The following PIGG variants were observed in gnomAD, a reference collection of about 807,000 sequenced individuals.
PIGG encodes GPI ethanolamine phosphate transferase 2, catalytic subunit.
Under a neutral mutation model 83.2 loss-of-function variants are expected in PIGG, and 70 were observed. The ratio of observed to expected loss-of-function variants is 0.84; its 90% CI spans 0.69 to 1.03. PIGG has a LOEUF of 1.03. Among genes scored for constraint, PIGG ranks in the 50% least tolerant of loss-of-function variants. The pLI, the probability that PIGG is intolerant of heterozygous loss-of-function variation, is 0.00. For synonymous variants in PIGG, 532 were observed against 519.5 expected (o/e 1.02, Z -0.33); for missense variants, 1,257 against 1,233.6 (o/e 1.02, Z -0.28).
intron 10 of PIGG, 196 bp downstream of exon 10, chr4:527,426 A>G (rs1303209572): frequency 7.5e-7 from 1 of 1,331,066 alleles, no homozygotes; most frequent in East Asian, 3.0e-5. Flanking sequence ...AACCTCAACC[A>G]GCTGCGTTGT....
At chr4:530,985 G>C (rs1728918639) in intron 11 of PIGG, 1 of 511,516 alleles carries the variant, frequency 2.0e-6, no homozygotes, top group East Asian at 3.2e-5. Flanking sequence ...GGCCAGGCCT[G>C]GGTTTATTTA....
intron 12 of PIGG, among the ~76,000 whole-genome samples, chr4:538,306 T>C (rs549192944): frequency 2.1e-5 from 3 of 145,530 alleles, no homozygotes; most frequent in African/African-American, 8.1e-5. Flanking sequence ...TGTAGTGTGT[T>C]GGTGGTTTCA....
chr4:532,053 G>A lies in PIGG; in HGVS notation c.2571+1308G>A, dbSNP rs73794937. 670 of 152,366 alleles carry A rather than the reference G, an allele frequency of 4.4e-3. 8 individuals are homozygous for A. Among genetic ancestry groups the A allele is most frequent in the African/African-American group, 0.016 (647 of 41,494 alleles). 9.4% of individuals were successfully genotyped at this position (152,366 alleles called of 1,614,324 possible). A position where few individuals can be genotyped will look rare whatever the true frequency, so the allele number is the denominator to read the frequency against. Reference sequence around the variant, plus strand: ...TGCCCCTCAGTGTTAGATCTCCTCTGAGAGGAACCTGTGGCTTTGCTGCCC... The same window carrying A: ...TGCCCCTCAGTGTTAGATCTCCTCTAAGAGGAACCTGTGGCTTTGCTGCCC... On this transcript the variant is annotated intron_variant, in intron 11 of 12. Coordinates refer to ENST00000453061, the MANE Select transcript of PIGG (RefSeq NM_001127178.3).
At chr4:516,215 C>T (rs755701372) in intron 6 of PIGG, 30 bp downstream of exon 6, 7 of 1,486,634 alleles carry the variant, frequency 4.7e-6, no homozygotes, top group Non-Finnish European at 6.6e-6. Context: ...CGAGCTCTGT[C>T]AGAGCTGTGT....
intron 1 of PIGG, among the ~76,000 whole-genome samples, 177 bp from the exon 2 acceptor site, chr4:500,219 C>T (rs1553874815): frequency 2.0e-5 from 3 of 152,182 alleles, no homozygotes; most frequent in African/African-American, 4.8e-5. Flanking sequence ...CTCCTGTTAA[C>T]CCCCGTCCTT....
At position 528,268 on chromosome 4, in the gene PIGG, A is replaced by C; in HGVS notation, c.2261+1038A>C. The C allele has an allele frequency of 1.0e-6, 1 of 983,886 alleles. No individual in the cohort carries two copies. The highest frequency in any genetic ancestry group is 6.1e-5 in the Admixed American group (1 of 16,284). 60.9% of individuals were successfully genotyped at this position (983,886 alleles called of 1,614,324 possible). ...CTTATATGAAAGACTACATACTTAA[A>C]ATACTGGTGATTATATTTAGGACCT... On this transcript the variant is annotated intron_variant, in intron 10 of 12. Transcript: ENST00000453061. This position sits in a 1 kb window ranked among gnomAD's most constrained non-coding sequence, Gnocchi z 4.8.
At chr4:507,680 G>A (rs1720240823) in intron 4 of PIGG, 87 bp downstream of exon 4, 3 of 1,191,184 alleles carry the variant, frequency 2.5e-6, no homozygotes, top group Admixed American at 4.8e-5. Flanking sequence ...GTTATTCAGG[G>A]TGCCTGTGTG....
chr4:501,596 G>A, intron 2 of PIGG: 1 of 156,842 alleles, frequency 6.4e-6, no homozygotes, highest in South Asian at 1.9e-4. Flanking sequence ...CTTGGGGGCA[G>A]CCCCATTTGC....
In PIGG at chr4:523,501, C is replaced by T. The variant is rs749815897; in HGVS notation, c.1657C>T (p.Leu553Phe). Reference protein sequence around the residue: ...PSSRWSELDLLILLGTAGHVL... With the variant: ...PSSRWSELDLFILLGTAGHVL... Reference sequence around the variant, plus strand: ...CTCAAGGTGGTCAGAGCTAGACCTTCTTATTCTGTTGGGGACGGCGGGCCA... The same window carrying T: ...CTCAAGGTGGTCAGAGCTAGACCTTTTTATTCTGTTGGGGACGGCGGGCCA... Residue 553 changes from leucine to phenylalanine, a missense_variant, in exon 9 of 13, where the codon CTT becomes TTT. By Grantham distance (22) the Leu-to-Phe change is conservative. Transcript: ENST00000453061. 3 of 1,614,000 alleles carry T rather than the reference C, an allele frequency of 1.9e-6. No homozygotes were observed. The highest frequency in any genetic ancestry group is 2.7e-5 in the African/African-American group (2 of 74,940).
chr4:523,549 A>G lies in PIGG; in HGVS notation c.1705A>G (p.Ser569Gly). Residue 569 changes from serine (S) to glycine (G), a missense_variant, in exon 9 of 13, where the codon AGC becomes GGC. By Grantham distance (56) the Ser-to-Gly change is moderately conservative. Coordinates refer to ENST00000453061, the MANE Select transcript of PIGG (RefSeq NM_001127178.3). The stretch of plus-strand genomic sequence containing the variant: ...CCACGTCTTGAGCCTGGGCGCCAGC[A>G]GCTTCGTGGAGGAGGAGCACCAGAC... ...AGHVLSLGAS[S>G]FVEEEHQTWY... The G allele has an allele frequency of 1.2e-6, 2 of 1,614,190 alleles. No homozygotes were observed. Among genetic ancestry groups the G allele is most frequent in the Non-Finnish European group, 1.7e-6 (2 of 1,180,020 alleles).
At chr4:509,657 C>G (rs1721215919) in intron 5 of PIGG, among the ~76,000 whole-genome samples, 1 of 152,260 alleles carries the variant, frequency 6.6e-6, no homozygotes, top group Admixed American at 6.5e-5. Flanking sequence ...GCTGCTGGTC[C>G]CGTAGCTTCT....
At chr4:526,618 G>A (rs1727690203) in intron 9 of PIGG, among the ~76,000 whole-genome samples, 1 of 152,210 alleles carries the variant, frequency 6.6e-6, no homozygotes, top group Non-Finnish European at 1.5e-5. Context: ...CAGGGAACAA[G>A]AGGACGGTTT....
Position 505,403 on chromosome 4 carries a change from T to C in PIGG, c.361-315T>C, listed in dbSNP as rs187678906. On this transcript the variant is annotated intron_variant, in intron 2 of 12. Coordinates refer to ENST00000453061, the MANE Select transcript of PIGG (RefSeq NM_001127178.3). ...GCCCTAGCTTTATGCTCACCTATTT[T>C]ATCCATAAAAAATCTTCAGACCAGC... Among the ~76,000 whole-genome samples the C allele has an allele frequency of 2.2e-3, 328 of 146,892 alleles. 1 individual carries two copies. Among genetic ancestry groups the C allele is most frequent in the African/African-American group, 7.9e-3 (310 of 39,450 alleles).
intron 2 of PIGG, among the ~76,000 whole-genome samples, chr4:505,269 A>G (rs1719200664): frequency 6.6e-6 from 1 of 151,880 alleles, no homozygotes; most frequent in Non-Finnish European, 1.5e-5. Flanking sequence ...TAATATGGTT[A>G]TCTTTGTTAC....
chr4:512,683 TGG>T (rs1396344181), intron 5 of PIGG, among the ~76,000 whole-genome samples: 1 of 151,470 alleles, frequency 6.6e-6, no homozygotes, highest in Non-Finnish European at 1.5e-5. Flanking sequence ...GATGTGGTGG[TGG>T]GCGCCTGTAA....
chr4:528,205 C>T lies in PIGG; in HGVS notation c.2261+975C>T, dbSNP rs887112808. On this transcript the variant is annotated intron_variant, in intron 10 of 12. Transcript: ENST00000453061. The surrounding 1 kb of genome is among the most constrained non-coding windows in gnomAD (Gnocchi z 4.8). ...AAGCATGTTGTGGAACAGGTATGAC[C>T]CCAGCTTACTAATTGTGTACCTGTT... 3 of 985,032 alleles carry T rather than the reference C, an allele frequency of 3.0e-6. No individual in the cohort carries two copies. Among genetic ancestry groups the T allele is most frequent in the Non-Finnish European group, 3.6e-6 (3 of 829,724 alleles). 61.0% of individuals were successfully genotyped at this position (985,032 alleles called of 1,614,324 possible).
In PIGG at chr4:523,863, G is replaced by A. The variant is rs1205397074; in HGVS notation, c.2019G>A (p.Gln673=). 3.2e-6 allele frequency: 5 copies of A among 1,582,250 alleles called. No homozygotes were observed. Among genetic ancestry groups the A allele is most frequent in the Non-Finnish European group, 4.3e-6 (5 of 1,164,178 alleles). The stretch of plus-strand genomic sequence containing the variant: ...GCCGGCTGCTGCGCTCCCTAAACCA[G>A]ACAGGTGTGCAGTGGGCTCACCGGC... ...ACCRLLRSLN[Q]TGVQWAHRPD... is the part of the protein sequence containing the mutation. The change falls in exon 9 of 13, where the codon CAG becomes CAA. Residue 673 remains glutamine, a synonymous_variant. Coordinates refer to ENST00000453061, the MANE Select transcript of PIGG (RefSeq NM_001127178.3).
intron 5 of PIGG, among the ~76,000 whole-genome samples, chr4:513,459 G>A (rs2108862819): frequency 6.6e-6 from 1 of 152,294 alleles, no homozygotes; most frequent in African/African-American, 2.4e-5. Context: ...GGGCAGTACA[G>A]GTCTGGCCAC....
At chr4:519,626 G>A (rs1274354614) in intron 6 of PIGG, among the ~76,000 whole-genome samples, 1 of 152,264 alleles carries the variant, frequency 6.6e-6, no homozygotes, top group Non-Finnish European at 1.5e-5. Flanking sequence ...GAGGTGAAAC[G>A]AGCGAGCCGC....
Sources: allele counts gnomAD v4.1 joint callset (sites outside exome capture counted in the v4.1 genomes callset), GRCh38; gene constraint gnomAD v4.1.1; non-coding constraint Gnocchi (gnomAD v3.1); transcripts MANE v1.5; gene names NCBI Gene and HGNC (gene_info 2026-07-23, HGNC 2026-07-21).